Variants in COL21A1 observed in about 807,000 individuals in gnomAD.
The protein encoded by COL21A1 is collagen type XXI alpha 1 chain.
A neutral mutation model predicts 137.9 loss-of-function variants in COL21A1; 149 were observed. That is an observed-to-expected ratio of 1.08 (90% CI 0.95 to 1.24). COL21A1 has a LOEUF of 1.24. COL21A1 is among the 50% of genes most tolerant of loss of function. The pLI, the probability that COL21A1 is intolerant of heterozygous loss-of-function variation, is 0.00. For missense variants in COL21A1, 1,167 were observed against 1,158.4 expected (o/e 1.01, Z -0.11); for synonymous variants, 456 against 391.5 (o/e 1.16, Z -1.95).
At chr6:56,070,457 G>C (rs17817730) in intron 21 of COL21A1, among the ~76,000 whole-genome samples, 22,853 of 151,460 alleles carry the variant, frequency 0.15, 1,761 homozygotes, top group Middle Eastern at 0.22. Flanking sequence ...GCTGTTTAAG[G>C]GAAATCTATT....
intron 1 of COL21A1, among the ~76,000 whole-genome samples, chr6:56,278,501 A>C (rs1368760697): frequency 6.6e-6 from 1 of 152,140 alleles, no homozygotes; most frequent in Non-Finnish European, 1.5e-5. Context: ...CCATTCCCCA[A>C]ATGAGCTAAA....
chr6:56,276,619 A>G lies in COL21A1; in HGVS notation c.-38-93963T>C, dbSNP rs1352304657. 5 of 1,437,748 alleles carry G rather than the reference A, an allele frequency of 3.5e-6. No homozygotes were observed. The South Asian group carries it at 5.7e-5, about 16-fold the overall frequency. 89.1% of individuals were successfully genotyped at this position (1,437,748 alleles called of 1,614,324 possible). ...CGCCAGGGTATTCTGGCAGAAGTTT[A>G]TATTTCTCAAAATCAATTTCTGGAA... On this transcript the variant is annotated intron_variant, in intron 1 of 28. Coordinates refer to the COL21A1 transcript ENST00000370819.
chr6:56,327,218 T>C (rs988103912), intron 1 of COL21A1, among the ~76,000 whole-genome samples: 5 of 151,900 alleles, frequency 3.3e-5, no homozygotes, highest in African/African-American at 1.2e-4. Context: ...TTTCATGAAT[T>C]TGTTTTTATG....
intron 12 of COL21A1, among the ~76,000 whole-genome samples, chr6:56,132,679 C>A (rs915349798): frequency 6.6e-6 from 1 of 152,102 alleles, no homozygotes; most frequent in Non-Finnish European, 1.5e-5. Flanking sequence ...TTGGCTGTGT[C>A]CCCACCCAAA....
chr6:56,256,716 CT>C lies in COL21A1; in HGVS notation c.-38-74061del, dbSNP rs1357917053. ...TATTTTTTAAAAATTTTAAAAACCC[CT>C]TTTTTAAAAAGGGGTTATGAGGCCC... On this transcript the variant is annotated intron_variant, in intron 1 of 28. Transcript: ENST00000370819. Among the ~76,000 whole-genome samples, 7 of 152,040 alleles carry C rather than the reference CT, an allele frequency of 4.6e-5. No individual in the cohort carries two copies. The East Asian group carries it at 1.3e-3, about 29-fold the overall frequency.
chr6:56,333,568 T>C (rs964204403), intron 1 of COL21A1, among the ~76,000 whole-genome samples: 2 of 152,110 alleles, frequency 1.3e-5, no homozygotes, highest in African/African-American at 4.8e-5. Flanking sequence ...TTTTGGGCTA[T>C]TACAAATAAA....
chr6:56,364,470 AGGATTGTGTGCTAGACCCTTTGG>A (rs1350158192), intron 1 of COL21A1, among the ~76,000 whole-genome samples: 2 of 152,194 alleles, frequency 1.3e-5, no homozygotes, highest in Non-Finnish European at 2.9e-5. Flanking sequence ...TCTAGAAGAG[AGGATTGTGTGCTAGACCCTTTGG>A]GGAGACCCTC....
At chr6:56,075,820 C>G (rs1249916371) in intron 18 of COL21A1, among the ~76,000 whole-genome samples, 1 of 151,362 alleles carries the variant, frequency 6.6e-6, no homozygotes, top group African/African-American at 2.4e-5. Context: ...AAATAAAAAT[C>G]AGGTGAAAAA....
chr6:56,058,940 A>G (rs918526553), intron 29 of COL21A1, among the ~76,000 whole-genome samples: 1 of 152,190 alleles, frequency 6.6e-6, no homozygotes, highest in African/African-American at 2.4e-5. Flanking sequence ...TAAGGAATAG[A>G]TATTAAACTA....
intron 1 of COL21A1, among the ~76,000 whole-genome samples, chr6:56,227,468 C>A (rs1195022521): frequency 1.3e-5 from 2 of 151,994 alleles, no homozygotes; most frequent in African/African-American, 2.4e-5. Context: ...TCAATAAAAA[C>A]CCCCTTGGGA....
At chr6:56,060,597 C>A in intron 27 of COL21A1, 144 bp downstream of exon 27, 1 of 541,602 alleles carries the variant, frequency 1.8e-6, no homozygotes, top group South Asian at 3.5e-5. Flanking sequence ...TATAAAAATA[C>A]TCATTGAAGA....
At chr6:56,356,505 T>C (rs1472413129) in intron 1 of COL21A1, among the ~76,000 whole-genome samples, 1 of 152,222 alleles carries the variant, frequency 6.6e-6, no homozygotes, top group African/African-American at 2.4e-5. Flanking sequence ...CTGAGTTGCA[T>C]GAAATGTGGC....
rs775642787 is a variant in COL21A1, at chr6:56,179,571, G to A, written c.640+7C>T. On this transcript the variant is annotated splice_region_variant and intron_variant, in intron 3 of 29. Transcript: ENST00000244728. The stretch of plus-strand genomic sequence containing the variant: ...TCCAAATTATATTAAGGCATTTTAA[G>A]GCTTACCTTCACAAAGTTTCTGCTT... 3.8e-6 allele frequency: 6 copies of A among 1,599,534 alleles called. No homozygotes were observed. In the Admixed American group the frequency reaches 8.5e-5, roughly 23 times the overall value.
chr6:56,079,832 T>G (rs1399189436), intron 17 of COL21A1, among the ~76,000 whole-genome samples: 1 of 151,656 alleles, frequency 6.6e-6, no homozygotes, highest in Non-Finnish European at 1.5e-5. Context: ...ATGCTAAGAA[T>G]TATTACTTCT....
Position 56,261,936 on chromosome 6 carries a change from CAT to C in COL21A1, c.-38-79282_-38-79281del, listed in dbSNP as rs1763286810. ...TACCTGCCTCAGCTCTGAAGTGACA[CAT>C]GTCACTTTCTCCACATTTTATTATC... On this transcript the variant is annotated intron_variant, in intron 1 of 28. Transcript: ENST00000370819. Among the ~76,000 whole-genome samples the C allele has an allele frequency of 2.6e-5, 4 of 152,260 alleles. No individual in the cohort carries two copies. In the East Asian group the frequency reaches 5.8e-4, roughly 22 times the overall value.
intron 17 of COL21A1, among the ~76,000 whole-genome samples, chr6:56,098,448 T>G (rs376668114): frequency 1.1e-3 from 5 of 4,404 alleles, no homozygotes; most frequent in Non-Finnish European, 1.6e-3. Flanking sequence ...TAAATATATA[T>G]ATATATATAA....
rs528691499 is a variant in COL21A1 at position 56,224,335 on chromosome 6, T to C, written c.-39+23052A>G. On this transcript the variant is annotated intron_variant, in intron 1 of 29. Transcript: ENST00000244728. Reference sequence around the variant, plus strand: ...AATCTCAGGCTCATAGTTCTTGACATAAAAATAGTAGACAGACAATAATTA... The same window carrying C: ...AATCTCAGGCTCATAGTTCTTGACACAAAAATAGTAGACAGACAATAATTA... Among the ~76,000 whole-genome samples the C allele has an allele frequency of 8.5e-4, 129 of 152,218 alleles. 1 individual carries two copies. The highest frequency in any genetic ancestry group is 3.4e-3 in the Middle Eastern group (1 of 294).
chr6:56,108,123 T>G (rs567696328), intron 16 of COL21A1, among the ~76,000 whole-genome samples: 1 of 151,986 alleles, frequency 6.6e-6, no homozygotes, highest in African/African-American at 2.4e-5. Flanking sequence ...AATATAAATT[T>G]TCCTAAATCC....
Position 56,343,151 on chromosome 6 carries a change from G to A in COL21A1, c.-39+50820C>T, listed in dbSNP as rs143758136. Among the ~76,000 whole-genome samples, 168 of 152,256 alleles carry A rather than the reference G, an allele frequency of 1.1e-3. 1 individual carries two copies. The highest frequency in any genetic ancestry group is 4.0e-3 in the African/African-American group (165 of 41,554). On this transcript the variant is annotated intron_variant, in intron 1 of 28. Transcript: ENST00000370819. Reference sequence around the variant, plus strand: ...AAAATACCCCAAGGTTTAGAGGAAAGATTTCCTTTAAAAGTAATCACCATA... The same window carrying A: ...AAAATACCCCAAGGTTTAGAGGAAAAATTTCCTTTAAAAGTAATCACCATA...
Sources: gnomAD v4.1 joint callset for allele counts (sites outside exome capture counted in the v4.1 genomes callset) on GRCh38, gnomAD v4.1.1 for gene constraint, MANE v1.5 for transcripts, NCBI Gene and HGNC (gene_info 2026-07-23, HGNC 2026-07-21) for gene names.